GADL1: variants seen among roughly 807,000 people sequenced by gnomAD.
GADL1 encodes GAD like acidic amino acid decarboxylase 1, also known as acidic amino acid decarboxylase GADL1.
In GADL1, 71 loss-of-function variants were observed where a neutral mutation model predicts 69.5. That is an observed-to-expected ratio of 1.02 (90% CI 0.84 to 1.25). The LOEUF is 1.25. Among genes scored for constraint, GADL1 ranks in the 50% most tolerant of loss-of-function variants. The pLI is 0.00. For missense variants in GADL1, 737 were observed against 631.8 expected (o/e 1.17, Z -1.79); for synonymous variants, 254 against 214.4 (o/e 1.18, Z -1.62).
intron 8 of GADL1, among the ~76,000 whole-genome samples, chr3:30,841,117 G>A (rs1167057465): frequency 6.6e-6 from 1 of 152,036 alleles, no homozygotes; most frequent in Non-Finnish European, 1.5e-5. Context: ...AACAACATAA[G>A]TTAAAAGCTT....
intron 1 of GADL1, among the ~76,000 whole-genome samples, chr3:30,883,733 G>A (rs996041383): frequency 6.6e-6 from 1 of 151,912 alleles, no homozygotes; most frequent in African/African-American, 2.4e-5. Flanking sequence ...ATTGCTCTGG[G>A]TAGCATGGAC....
intron 1 of GADL1, among the ~76,000 whole-genome samples, chr3:30,867,501 G>T (rs1698421970): frequency 6.7e-6 from 1 of 149,284 alleles, no homozygotes; most frequent in African/African-American, 2.5e-5. Context: ...GCCAGGCCCT[G>T]TTCTAAAAGT....
intron 14 of GADL1, among the ~76,000 whole-genome samples, chr3:30,744,889 G>C (rs576209883): frequency 1.3e-5 from 2 of 152,146 alleles, no homozygotes; most frequent in Admixed American, 6.5e-5. Context: ...GATGTGTTTT[G>C]CCTGTAGGCT....
intron 1 of GADL1, among the ~76,000 whole-genome samples, chr3:30,888,952 T>C (rs1396575569): frequency 2.0e-5 from 3 of 151,794 alleles, no homozygotes; most frequent in Non-Finnish European, 4.4e-5. Flanking sequence ...TTTTGCAATA[T>C]ATATAAATGT....
intron 14 of GADL1, among the ~76,000 whole-genome samples, chr3:30,750,297 T>C (rs1695785573): frequency 6.6e-6 from 1 of 152,178 alleles, no homozygotes; most frequent in African/African-American, 2.4e-5. Context: ...ATTGATAGTA[T>C]CCTTTTCAGT....
chr3:30,786,401 A>T lies in GADL1; in HGVS notation c.1256T>A (p.Leu419Gln). The T allele has an allele frequency of 6.9e-7, 1 of 1,441,734 alleles. No homozygotes were observed. The highest frequency in any genetic ancestry group is 9.7e-7 in the Non-Finnish European group (1 of 1,026,098). 89.3% of individuals were successfully genotyped at this position (1,441,734 alleles called of 1,614,324 possible). A position where few individuals can be genotyped will look rare whatever the true frequency, so the allele number is the denominator to read the frequency against. ...VNRALALSRY[L>Q]VDEIKKREGF... ...TTCTCTTTTCTTGATTTCATCTACT[A>T]GGTACCTAAAATTAAAAGTCACAAT... Residue 419 changes from leucine to glutamine, a missense_variant, in exon 13 of 15, where the codon CTA becomes CAA. By Grantham distance (113) the Leu-to-Gln change is moderately radical (BLOSUM62 -2). Transcript: ENST00000282538.
chr3:30,801,202 T>A, intron 11 of GADL1, 114 bp from the exon 12 acceptor site: 1 of 723,926 alleles, frequency 1.4e-6, no homozygotes, highest in Non-Finnish European at 2.3e-6. Context: ...AGTGTACATC[T>A]CACTTTGACT....
intron 11 of GADL1, among the ~76,000 whole-genome samples, chr3:30,823,003 G>T (rs201073144): frequency 6.6e-6 from 1 of 151,884 alleles, no homozygotes; most frequent in Non-Finnish European, 1.5e-5. Context: ...AATTCAGAAC[G>T]TGGCACATAT....
At chr3:30,841,782 G>A (rs893838659) in intron 8 of GADL1, among the ~76,000 whole-genome samples, 2 of 152,148 alleles carry the variant, frequency 1.3e-5, no homozygotes, top group African/African-American at 2.4e-5. Context: ...ATGGACTGAC[G>A]ATACCAGACC....
chr3:30,764,245 C>A (rs1263628410), intron 14 of GADL1, among the ~76,000 whole-genome samples: 1 of 152,034 alleles, frequency 6.6e-6, no homozygotes, highest in Non-Finnish European at 1.5e-5. Context: ...AGATCCGAGT[C>A]ATTTTCCCTA....
intron 1 of GADL1, among the ~76,000 whole-genome samples, chr3:30,888,826 C>G (rs562322660): frequency 1.3e-5 from 2 of 151,604 alleles, no homozygotes; most frequent in Non-Finnish European, 2.9e-5. Flanking sequence ...GCTGGTGGAT[C>G]CTGGAAAAAG....
intron 8 of GADL1, among the ~76,000 whole-genome samples, chr3:30,839,777 T>TGATA (rs1559357670): frequency 5.3e-5 from 8 of 152,148 alleles, no homozygotes; most frequent in Admixed American, 5.2e-4. Context: ...ATATAGCTGA[T>TGATA]GACTGCATCT....
chr3:30,831,104 C>T (rs552802656), intron 11 of GADL1, among the ~76,000 whole-genome samples: 3 of 151,970 alleles, frequency 2.0e-5, no homozygotes, highest in African/African-American at 7.2e-5. Flanking sequence ...TTCTTGTTCC[C>T]CTCCAATTCA....
At chr3:30,806,999 G>A (rs1053909931) in intron 11 of GADL1, among the ~76,000 whole-genome samples, 1 of 152,164 alleles carries the variant, frequency 6.6e-6, no homozygotes, top group Non-Finnish European at 1.5e-5. Flanking sequence ...TTAGTTACTT[G>A]GTGTCAGAGC....
chr3:30,835,881 T>A (rs1347424612), intron 9 of GADL1, among the ~76,000 whole-genome samples: 1 of 152,004 alleles, frequency 6.6e-6, no homozygotes, highest in Admixed American at 6.6e-5. Context: ...CTTACTTGGA[T>A]TCACAATGGA....
intron 11 of GADL1, among the ~76,000 whole-genome samples, chr3:30,830,105 TCTC>T (rs1432081939): frequency 6.6e-6 from 1 of 151,808 alleles, no homozygotes; most frequent in Non-Finnish European, 1.5e-5. Flanking sequence ...CACTCTCTGA[TCTC>T]CTCTCACCTT....
At chr3:30,875,418 G>A (rs1412376718) in intron 1 of GADL1, among the ~76,000 whole-genome samples, 2 of 151,800 alleles carry the variant, frequency 1.3e-5, no homozygotes, top group Non-Finnish European at 2.9e-5. Flanking sequence ...TCTCATTATA[G>A]AATTAGGCTT....
At chr3:30,855,089 G>T (rs1236381910) in intron 3 of GADL1, among the ~76,000 whole-genome samples, 4 of 151,966 alleles carry the variant, frequency 2.6e-5, no homozygotes, top group African/African-American at 7.2e-5. Flanking sequence ...GCACAGCTAC[G>T]TACAAATTCA....
intron 1 of GADL1, among the ~76,000 whole-genome samples, chr3:30,894,269 A>G (rs6794058): frequency 0.3 from 45,776 of 152,106 alleles, 7,691 homozygotes; most frequent in East Asian, 0.42. Context: ...GGTACTTCCA[A>G]TCTAACTAGG....
Sources: allele counts gnomAD v4.1 joint callset (sites outside exome capture counted in the v4.1 genomes callset), GRCh38; gene constraint gnomAD v4.1.1; transcripts MANE v1.5; gene names NCBI Gene and HGNC (gene_info 2026-07-23, HGNC 2026-07-21).